FHIP1A: variants seen among roughly 807,000 people sequenced by gnomAD.
FHIP1A encodes the protein FHF complex subunit HOOK-interacting protein 1A.
Under a neutral mutation model 88.6 loss-of-function variants are expected in FHIP1A, and 61 were observed. The observed-to-expected ratio is 0.69, with a 90% CI of 0.56 to 0.85. The LOEUF is 0.85. Ranked by LOEUF, FHIP1A falls within the 40% of genes least tolerant of loss-of-function variation. FHIP1A has a pLI of 0.00. For synonymous variants in FHIP1A, 478 were observed against 496.0 expected (o/e 0.96, Z 0.48); for missense variants, 1,154 against 1,273.5 (o/e 0.91, Z 1.43).
intron 3 of FHIP1A, among the ~76,000 whole-genome samples, chr4:151,533,936 A>G (rs1276228421): frequency 2.6e-5 from 4 of 152,272 alleles, no homozygotes; most frequent in Non-Finnish European, 4.4e-5. Context: ...TGAGGCAGAT[A>G]TAAACCCATT....
At position 151,428,814 on chromosome 4, in the gene FHIP1A, A is replaced by G. The variant is rs76953577; in HGVS notation, c.-356+19349A>G. On this transcript the variant is annotated intron_variant, in intron 1 of 13. Transcript: ENST00000435205. The stretch of plus-strand genomic sequence containing the variant: ...AGAGCCTTTGCACACACTGTTGACC[A>G]TACTTGGAACACCATTCCTCCCCCT... Among the ~76,000 whole-genome samples, 114 of 152,216 alleles carry G rather than the reference A, an allele frequency of 7.5e-4. 1 individual carries two copies. The highest frequency in any genetic ancestry group is 2.6e-3 in the African/African-American group (110 of 41,540).
In FHIP1A at chr4:151,460,865, A is replaced by T. The variant is rs1472187121; in HGVS notation, c.-248+6057A>T. Among the ~76,000 whole-genome samples, 4 of 152,344 alleles carry T rather than the reference A, an allele frequency of 2.6e-5. No individual in the cohort carries two copies. In the South Asian group the frequency reaches 8.3e-4, roughly 32 times the overall value. On this transcript the variant is annotated intron_variant, in intron 2 of 13. Transcript: ENST00000435205. The stretch of plus-strand genomic sequence containing the variant: ...TTTTAAGGCTGTTGTGGAAGAGTGG[A>T]GGATTTCTGAAGCATTTGTGTTTAG...
chr4:151,495,286 T>C (rs370508021), intron 3 of FHIP1A, among the ~76,000 whole-genome samples: 1 of 152,146 alleles, frequency 6.6e-6, no homozygotes, highest in African/African-American at 2.4e-5. Flanking sequence ...GCAGTTCATC[T>C]GAGGTCAGGA....
intron 3 of FHIP1A, among the ~76,000 whole-genome samples, chr4:151,552,899 G>A (rs965094940): frequency 2.0e-5 from 3 of 151,824 alleles, no homozygotes; most frequent in African/African-American, 7.3e-5. Flanking sequence ...TCTCCCGGGT[G>A]TGTGTGTATG....
chr4:151,616,074 T>C (rs1578821482), intron 7 of FHIP1A, among the ~76,000 whole-genome samples: 1 of 152,326 alleles, frequency 6.6e-6, no homozygotes, highest in East Asian at 1.9e-4. Flanking sequence ...TGGCAGTGTC[T>C]AGAATACAGT....
rs1278963065 is a variant in FHIP1A, at chr4:151,485,736, C to T, written c.-123+3088C>T. Among the ~76,000 whole-genome samples the T allele has an allele frequency of 6.2e-4, 94 of 152,024 alleles. 2 individuals carry two copies. Among genetic ancestry groups the T allele is most frequent in the Non-Finnish European group, 8.8e-5 (6 of 68,004 alleles). ...CTTCCTGAGTAGCTGGTATGACAGG[C>T]ACCTGCCACCATGCCTGGCTAATTT... On this transcript the variant is annotated intron_variant, in intron 3 of 13. Coordinates refer to ENST00000435205, the MANE Select transcript of FHIP1A (RefSeq NM_001109977.3).
chr4:151,412,230 G>A (rs887763613), intron 1 of FHIP1A, among the ~76,000 whole-genome samples: 4 of 152,114 alleles, frequency 2.6e-5, no homozygotes, highest in African/African-American at 9.7e-5. Context: ...AGCCTCCTGA[G>A]TAGCTGGGAT....
At chr4:151,491,716 T>C (rs761935735) in intron 3 of FHIP1A, among the ~76,000 whole-genome samples, 3 of 151,952 alleles carry the variant, frequency 2.0e-5, no homozygotes, top group Non-Finnish European at 2.9e-5. Flanking sequence ...TGGATAAAAA[T>C]CCACCAACCA....
At chr4:151,442,837 G>T (rs1561496632) in intron 1 of FHIP1A, among the ~76,000 whole-genome samples, 1 of 152,132 alleles carries the variant, frequency 6.6e-6, no homozygotes, top group Non-Finnish European at 1.5e-5. Flanking sequence ...TACTTTGAGA[G>T]ATTTCCTTAC....
chr4:151,551,105 CTT>C (rs1732711928), intron 3 of FHIP1A, among the ~76,000 whole-genome samples: 1 of 152,156 alleles, frequency 6.6e-6, no homozygotes, highest in Non-Finnish European at 1.5e-5. Flanking sequence ...GAAGAATAAA[CTT>C]TTTGGTCCTG....
intron 3 of FHIP1A, among the ~76,000 whole-genome samples, chr4:151,522,099 T>C (rs1265515432): frequency 6.6e-6 from 1 of 152,218 alleles, no homozygotes; most frequent in Non-Finnish European, 1.5e-5. Flanking sequence ...TGATCTATTA[T>C]AAATCAATAA....
intron 7 of FHIP1A, among the ~76,000 whole-genome samples, chr4:151,594,883 T>A (rs1734588392): frequency 6.6e-6 from 1 of 152,190 alleles, no homozygotes; most frequent in Non-Finnish European, 1.5e-5. Context: ...ACCTTTGTCA[T>A]TTTTTATTGT....
chr4:151,444,084 G>T (rs150281114), intron 1 of FHIP1A, among the ~76,000 whole-genome samples: 175 of 152,188 alleles, frequency 1.1e-3, no homozygotes, highest in African/African-American at 3.9e-3. Flanking sequence ...TGGTGGCCTT[G>T]GAGAGCAGCT....
At chr4:151,578,367 C>G (rs1473847018) in intron 5 of FHIP1A, among the ~76,000 whole-genome samples, 1 of 152,138 alleles carries the variant, frequency 6.6e-6, no homozygotes, top group Non-Finnish European at 1.5e-5. Flanking sequence ...AGGAGCATAT[C>G]CTGAGAGATT....
intron 3 of FHIP1A, chr4:151,532,886 C>T (rs1731929315): frequency 6.5e-6 from 1 of 153,300 alleles, no homozygotes; most frequent in Non-Finnish European, 1.5e-5. Flanking sequence ...TCTTGTGAGA[C>T]TTATTCACTG....
chr4:151,621,309 A>G (rs935049801), intron 7 of FHIP1A, among the ~76,000 whole-genome samples: 2 of 152,066 alleles, frequency 1.3e-5, no homozygotes, highest in African/African-American at 4.8e-5. Flanking sequence ...AGAGAAACGA[A>G]CAGAATAACT....
At chr4:151,463,700 T>G (rs574615153) in intron 2 of FHIP1A, among the ~76,000 whole-genome samples, 1 of 152,336 alleles carries the variant, frequency 6.6e-6, no homozygotes, top group African/African-American at 2.4e-5. Context: ...AAGAAAAGTT[T>G]TAACTGTTTG....
At chr4:151,528,301 A>G (rs969758626) in intron 3 of FHIP1A, among the ~76,000 whole-genome samples, 1 of 152,208 alleles carries the variant, frequency 6.6e-6, no homozygotes, top group African/African-American at 2.4e-5. Flanking sequence ...CTGCCTCTTT[A>G]AAATCTATGG....
chr4:151,526,868 C>T (rs2126705252), intron 3 of FHIP1A, among the ~76,000 whole-genome samples: 1 of 151,324 alleles, frequency 6.6e-6, no homozygotes, highest in Non-Finnish European at 1.5e-5. Context: ...GGCAGAGACG[C>T]TCCTCACATC....
Sources: allele counts gnomAD v4.1 joint callset (sites outside exome capture counted in the v4.1 genomes callset), GRCh38; gene constraint gnomAD v4.1.1; transcripts MANE v1.5; gene names NCBI Gene and HGNC (gene_info 2026-07-23, HGNC 2026-07-21).